MTMR10: variants seen among roughly 807,000 people sequenced by gnomAD.
MTMR10 encodes the protein myotubularin-related protein 10.
A neutral mutation model predicts 88.1 loss-of-function variants in MTMR10; 56 were observed. That is an observed-to-expected ratio of 0.64 (90% CI 0.51 to 0.79). MTMR10 has a LOEUF of 0.79. Ranked by LOEUF, MTMR10 falls within the 30% of genes least tolerant of loss-of-function variation. The probability of loss-of-function intolerance (pLI) is 0.00; values close to 1 mark genes in which losing one functional copy is unlikely to be tolerated. For synonymous variants in MTMR10, 380 were observed against 340.9 expected, an observed-to-expected ratio of 1.11 and a Z score of -1.26; for missense variants, 883 against 924.7, an observed-to-expected ratio of 0.95 and a Z score of 0.58.
At chr15:30,951,056 G>C (rs2949571) in intron 12 of MTMR10, among the ~76,000 whole-genome samples, 64,529 of 152,214 alleles carry the variant, frequency 0.42, 14,738 homozygotes, top group East Asian at 0.85. Context: ...AGATGGGGAA[G>C]CCATGGGTAC....
At chr15:30,945,591 G>C (rs1176462085) in intron 14 of MTMR10, among the ~76,000 whole-genome samples, 1 of 152,182 alleles carries the variant, frequency 6.6e-6, no homozygotes, top group African/African-American at 2.4e-5. Context: ...ATGGGGAAGA[G>C]CTGAAGGAGG....
intron 10 of MTMR10, among the ~76,000 whole-genome samples, chr15:30,954,424 A>G (rs754222967): frequency 2.0e-5 from 3 of 152,228 alleles, no homozygotes; most frequent in Admixed American, 6.5e-5. Flanking sequence ...CCTATCTCAA[A>G]GTATAACTGT....
At chr15:30,919,692 G>GAAA in the MTMR10 span, among the ~76,000 whole-genome samples, 1 of 129,376 alleles carries the variant, frequency 7.7e-6, no homozygotes, top group African/African-American at 2.9e-5. Context: ...CTGTCTCGGG[G>GAAA]AAAAAAAAAA....
chr15:30,964,198 C>T (rs2063445218), intron 6 of MTMR10, among the ~76,000 whole-genome samples: 1 of 152,124 alleles, frequency 6.6e-6, no homozygotes, highest in African/African-American at 2.4e-5. Flanking sequence ...ATAAAACCAC[C>T]ACCACCAAAA....
chr15:30,991,558 A>G lies in MTMR10; in HGVS notation c.-52T>C, dbSNP rs2031335797. On this transcript the variant is annotated 5_prime_UTR_variant, in exon 1 of 16. Transcript: ENST00000435680. ...CCGTCGCGGGCCAGTGGCAGCGCCG[A>G]CGCCTCCGGGCGTAAAGCTCTCAGT... 6.6e-6 allele frequency: 10 copies of G among 1,525,070 alleles called. No individual in the cohort carries two copies. Among genetic ancestry groups the G allele is most frequent in the Non-Finnish European group, 8.7e-6 (10 of 1,144,980 alleles). 94.5% of individuals were successfully genotyped at this position (1,525,070 alleles called of 1,614,324 possible). A position where few individuals can be genotyped will look rare whatever the true frequency, so the allele number is the denominator to read the frequency against.
At chr15:30,964,879 T>C (rs2063454853) in intron 6 of MTMR10, among the ~76,000 whole-genome samples, 1 of 152,238 alleles carries the variant, frequency 6.6e-6, no homozygotes, top group South Asian at 2.1e-4. Context: ...TTCCACTGAA[T>C]TGGCCAATTG....
In MTMR10 at chr15:30,991,449, G is replaced by T. The variant is rs753837494; in HGVS notation, c.58C>A (p.Gln20Lys). ...TFRSYLLPPP[Q>K]TDDKINSEPK... Reference sequence around the variant, plus strand: ...GCTCGCGGGGAGGGGTTGTTTACCTGGGGCGGTGGCAGGAGGTAGGACCTG... The same window carrying T: ...GCTCGCGGGGAGGGGTTGTTTACCTTGGGCGGTGGCAGGAGGTAGGACCTG... Residue 20 changes from glutamine (Q) to lysine (K), a missense_variant and splice_region_variant, in exon 1 of 16, where the codon CAG (glutamine) becomes AAG (lysine). This residue lies in a region of MTMR10 where 414 missense variants were observed against 423.2 expected (regional missense o/e 0.98). Transcript: ENST00000435680. 1.3e-6 allele frequency: 2 copies of T among 1,502,110 alleles called. No homozygotes were observed. The highest frequency in any genetic ancestry group is 3.0e-5 in the African/African-American group (2 of 67,792). 93.0% of individuals were successfully genotyped at this position (1,502,110 alleles called of 1,614,324 possible).
At chr15:30,985,322 G>A (rs1358686400) in intron 2 of MTMR10, among the ~76,000 whole-genome samples, 1 of 152,204 alleles carries the variant, frequency 6.6e-6, no homozygotes, top group Non-Finnish European at 1.5e-5. Flanking sequence ...TGTCACTGTT[G>A]TGAAAAGGGC....
downstream of MTMR10, chr15:30,937,138 C>T: frequency 1.2e-6 from 2 of 1,612,954 alleles, no homozygotes; most frequent in Non-Finnish European, 1.7e-6. Context: ...GTTAAAGGCC[C>T]CAATGATCGT....
chr15:30,976,621 A>G (rs2030171961), intron 3 of MTMR10, among the ~76,000 whole-genome samples, 198 bp downstream of exon 3: 1 of 152,232 alleles, frequency 6.6e-6, no homozygotes, highest in South Asian at 2.1e-4. Context: ...GTGACTTACA[A>G]TCCTCTCACT....
intron 13 of MTMR10, 29 bp downstream of exon 13, chr15:30,948,273 C>T: frequency 6.3e-7 from 1 of 1,589,752 alleles, no homozygotes; most frequent in Non-Finnish European, 8.6e-7. Context: ...TCCTTAAAGA[C>T]TGATAAAAAG....
intron 14 of MTMR10, among the ~76,000 whole-genome samples, chr15:30,945,994 GTTTC>G (rs1452671007): frequency 6.6e-6 from 1 of 152,200 alleles, no homozygotes; most frequent in Non-Finnish European, 1.5e-5. Context: ...ACGGTGTTGA[GTTTC>G]TTTGAGCCCT....
At chr15:30,962,080 G>C (rs1216506102) in intron 6 of MTMR10, among the ~76,000 whole-genome samples, 2 of 152,130 alleles carry the variant, frequency 1.3e-5, no homozygotes, top group Non-Finnish European at 2.9e-5. Context: ...CCTTTGAAAA[G>C]CTCATCAGGT....
the MTMR10 span, among the ~76,000 whole-genome samples, chr15:30,922,623 G>T: frequency 6.6e-6 from 1 of 152,152 alleles, no homozygotes; most frequent in Non-Finnish European, 1.5e-5. Context: ...TAGGAATCAG[G>T]ATCTAGGAAT....
chr15:30,950,610 C>T (rs2063230659), intron 12 of MTMR10, among the ~76,000 whole-genome samples: 1 of 150,972 alleles, frequency 6.6e-6, no homozygotes, highest in African/African-American at 2.4e-5. Context: ...GTGGAGGTTG[C>T]AGTGAGCTGA....
At chr15:30,925,103 A>G in the MTMR10 span, 2 of 1,592,202 alleles carry the variant, frequency 1.3e-6, no homozygotes, top group Non-Finnish European at 1.7e-6. Flanking sequence ...TAGGAGCCTG[A>G]TGTGTGACCA....
At chr15:30,926,927 G>A in the MTMR10 span, 7 of 985,276 alleles carry the variant, frequency 7.1e-6, no homozygotes, top group South Asian at 4.7e-5. Context: ...GTGTCAGAGC[G>A]ATCTCAACCT....
At chr15:30,955,945 T>C (rs2063321183) in intron 9 of MTMR10, among the ~76,000 whole-genome samples, 1 of 150,946 alleles carries the variant, frequency 6.6e-6, no homozygotes, top group African/African-American at 2.4e-5. Context: ...TTCCCATCTA[T>C]ATTCAATGGG....
intron 6 of MTMR10, among the ~76,000 whole-genome samples, chr15:30,961,341 C>T (rs1438223865): frequency 6.6e-6 from 1 of 152,008 alleles, no homozygotes; most frequent in Non-Finnish European, 1.5e-5. Flanking sequence ...TCAAGCTATT[C>T]TCCTGCCTCA....
Sources: gnomAD v4.1 joint callset for allele counts (sites outside exome capture counted in the v4.1 genomes callset) on GRCh38, gnomAD v4.1.1 for gene constraint, gnomAD v4.1.1 regional missense constraint, MANE v1.5 for transcripts, NCBI Gene and HGNC (gene_info 2026-07-23, HGNC 2026-07-21) for gene names.